Variants in KCNAB1 observed in about 807,000 individuals in gnomAD.
KCNAB1 encodes the protein voltage-gated potassium channel subunit beta-1.
KCNAB1 carries 35 observed loss-of-function variants against 64.6 expected under a neutral mutation model. The observed-to-expected ratio is 0.54, with a 90% CI of 0.41 to 0.72. KCNAB1 has a LOEUF of 0.72. Among genes scored for constraint, KCNAB1 ranks in the 30% least tolerant of loss-of-function variants. The probability of loss-of-function intolerance (pLI) is 0.00; values close to 1 mark genes in which losing one functional copy is unlikely to be tolerated. For missense variants in KCNAB1, 401 were observed against 512.9 expected, an observed-to-expected ratio of 0.78 and a Z score of 2.11; for synonymous variants, 177 against 183.8, an observed-to-expected ratio of 0.96 and a Z score of 0.30.
intron 5 of KCNAB1, among the ~76,000 whole-genome samples, chr3:156,463,249 T>A (rs576107643): frequency 2.2e-4 from 34 of 152,200 alleles, no homozygotes; most frequent in Non-Finnish European, 4.4e-4. Flanking sequence ...GGAGTTCATA[T>A]GCAATCAGCG....
chr3:156,389,099 G>T (rs568605822), intron 1 of KCNAB1, among the ~76,000 whole-genome samples: 8 of 152,262 alleles, frequency 5.3e-5, no homozygotes, highest in African/African-American at 1.7e-4. Context: ...CAGCAAAGTA[G>T]TGGGGTCCGG....
At chr3:156,188,830 A>G (rs553470140) in intron 1 of KCNAB1, among the ~76,000 whole-genome samples, 1 of 152,314 alleles carries the variant, frequency 6.6e-6, no homozygotes, top group Admixed American at 6.5e-5. Flanking sequence ...TTTTCCTGCA[A>G]GTGAACTTAA....
intron 1 of KCNAB1, among the ~76,000 whole-genome samples, chr3:156,187,568 G>A (rs961107332): frequency 3.3e-5 from 5 of 152,258 alleles, no homozygotes; most frequent in Admixed American, 6.5e-5. Flanking sequence ...GGAAACTTGG[G>A]CATCCTGCTG....
At chr3:156,446,137 G>A (rs550593954) in intron 2 of KCNAB1, 1 of 152,310 alleles carries the variant, frequency 6.6e-6, no homozygotes, top group African/African-American at 2.4e-5. Context: ...GCATGGGGAA[G>A]GTTTAGATTT....
chr3:156,342,585 C>CTTTTTTTTTTTTTTTTTTT (rs60982892), intron 1 of KCNAB1, among the ~76,000 whole-genome samples: 51 of 86,220 alleles, frequency 5.9e-4, no homozygotes, highest in Non-Finnish European at 9.4e-4. Context: ...CTATGTGTTT[C>CTTTTTTTTTTTTTTTTTTT]TTTTTTTTTT....
intron 8 of KCNAB1, among the ~76,000 whole-genome samples, chr3:156,501,195 A>G (rs1716376775): frequency 6.6e-6 from 1 of 152,246 alleles, no homozygotes; most frequent in African/African-American, 2.4e-5. Flanking sequence ...TTACCTCCAT[A>G]GAAACAAAAG....
intron 1 of KCNAB1, among the ~76,000 whole-genome samples, chr3:156,188,071 A>G (rs1239754506): frequency 1.3e-5 from 2 of 152,090 alleles, no homozygotes; most frequent in Non-Finnish European, 2.9e-5. Context: ...CCTTTCACAC[A>G]TTGTTCCCTC....
chr3:156,265,249 C>A (rs1035485776), intron 1 of KCNAB1, among the ~76,000 whole-genome samples: 1 of 152,130 alleles, frequency 6.6e-6, no homozygotes, highest in African/African-American at 2.4e-5. Context: ...AAAATAATAA[C>A]AAACCCATAA....
chr3:156,420,779 G>A (rs1255207593), intron 1 of KCNAB1, among the ~76,000 whole-genome samples: 1 of 152,114 alleles, frequency 6.6e-6, no homozygotes, highest in African/African-American at 2.4e-5. Flanking sequence ...ACAAAAATGG[G>A]TTGAGTCTGG....
chr3:156,526,881 A>C (rs1226831898), intron 12 of KCNAB1, among the ~76,000 whole-genome samples: 1 of 152,102 alleles, frequency 6.6e-6, no homozygotes, highest in Non-Finnish European at 1.5e-5. Flanking sequence ...AAAATCCTAA[A>C]GATTAAGAAA....
At chr3:156,199,587 C>G (rs895320232) in intron 1 of KCNAB1, among the ~76,000 whole-genome samples, 5 of 152,062 alleles carry the variant, frequency 3.3e-5, no homozygotes. Flanking sequence ...CTCTGATATC[C>G]TTTCTTCCAC....
At position 156,440,628 on chromosome 3, in the gene KCNAB1, T is replaced by C. The variant is rs114807539; in HGVS notation, c.320-12271T>C. Among the ~76,000 whole-genome samples, 1,183 of 152,288 alleles carry C rather than the reference T, an allele frequency of 7.8e-3. 19 individuals are homozygous for C. Among genetic ancestry groups the C allele is most frequent in the African/African-American group, 0.027 (1,140 of 41,566 alleles). ...ATATAATTACTGCAAAGGGAAGAAA[T>C]AGACTTAGAAATAGACTAAGAGTCA... On this transcript the variant is annotated intron_variant, in intron 2 of 13. Transcript: ENST00000490337.
chr3:156,474,913 T>C (rs1576914277), intron 8 of KCNAB1, 93 bp downstream of exon 8: 2 of 985,750 alleles, frequency 2.0e-6, no homozygotes, highest in Non-Finnish European at 3.2e-6. Context: ...GTATTCAGAC[T>C]GATCAAACTG....
chr3:156,529,994 T>C (rs1334908126), intron 12 of KCNAB1, among the ~76,000 whole-genome samples: 1 of 152,138 alleles, frequency 6.6e-6, no homozygotes, highest in Non-Finnish European at 1.5e-5. Flanking sequence ...CCTTAGCTTC[T>C]GGACACAGCA....
rs891928619 is a variant in KCNAB1, at chr3:156,404,029, T to C, written c.276-17587T>C. The stretch of plus-strand genomic sequence containing the variant: ...GACCAAAATTCACCTACCTTACTTC[T>C]AGATTTAGGATTCTTTGCTTTATAT... On this transcript the variant is annotated intron_variant, in intron 1 of 13. Transcript: ENST00000490337. Among the ~76,000 whole-genome samples the C allele has an allele frequency of 2.6e-5, 4 of 152,334 alleles. No individual in the cohort carries two copies. In the East Asian group the frequency reaches 7.7e-4, roughly 29 times the overall value.
intron 1 of KCNAB1, among the ~76,000 whole-genome samples, chr3:156,298,001 C>T (rs1426932792): frequency 6.6e-6 from 1 of 152,104 alleles, no homozygotes; most frequent in Non-Finnish European, 1.5e-5. Flanking sequence ...TAAAGAATAC[C>T]GTTGTCATTT....
At chr3:156,400,335 A>G (rs1480248633) in intron 1 of KCNAB1, among the ~76,000 whole-genome samples, 1 of 152,154 alleles carries the variant, frequency 6.6e-6, no homozygotes, top group Non-Finnish European at 1.5e-5. Flanking sequence ...CCTTAGAGAG[A>G]AAAAGCCCTT....
In KCNAB1 at chr3:156,231,706, GC is replaced by G. The variant is rs1227079761; in HGVS notation, c.275+110822del. ...TAAAACTTGGTCTTCACAATCCTTT[GC>G]CTTAACCAGAACATTCCTTTCCATT... On this transcript the variant is annotated intron_variant, in intron 1 of 13. Coordinates refer to ENST00000490337, the MANE Select transcript of KCNAB1 (RefSeq NM_172160.3). Among the ~76,000 whole-genome samples the G allele has an allele frequency of 6.6e-5, 10 of 152,036 alleles. No individual in the cohort carries two copies. The East Asian group carries it at 1.9e-3, about 29-fold the overall frequency.
At chr3:156,245,254 G>A (rs1433885293) in intron 1 of KCNAB1, among the ~76,000 whole-genome samples, 1 of 151,922 alleles carries the variant, frequency 6.6e-6, no homozygotes, top group African/African-American at 2.4e-5. Flanking sequence ...TTTTATCGAC[G>A]TTATCCATTC....
Sources: allele counts gnomAD v4.1 joint callset (sites outside exome capture counted in the v4.1 genomes callset), GRCh38; gene constraint gnomAD v4.1.1; transcripts MANE v1.5; gene names NCBI Gene and HGNC (gene_info 2026-07-23, HGNC 2026-07-21).